FAM184B: variants seen among roughly 807,000 people sequenced by gnomAD.
FAM184B encodes the protein protein FAM184B.
FAM184B carries 111 observed loss-of-function variants against 135.9 expected under a neutral mutation model. The observed-to-expected ratio is 0.82, with a 90% CI of 0.70 to 0.96. The LOEUF (loss-of-function observed/expected upper bound fraction) is 0.96, where lower values mean the gene tolerates loss of function less well. FAM184B is among the 40% of genes least tolerant of loss of function. FAM184B has a pLI of 0.00. For synonymous variants in FAM184B, 552 were observed against 524.8 expected (o/e 1.05, Z -0.71); for missense variants, 1,375 against 1,323.9 (o/e 1.04, Z -0.60).
rs540334041 is a variant in FAM184B at position 17,655,092 on chromosome 4, C to T, written c.2038-2109G>A. 2.0e-5 allele frequency among the ~76,000 whole-genome samples: 3 copies of T among 152,242 alleles called. No individual in the cohort carries two copies. In the East Asian group the frequency reaches 5.8e-4, roughly 29 times the overall value. On this transcript the variant is annotated intron_variant, in intron 10 of 17. Transcript: ENST00000265018. ...AACTCCTGGCCTCAAGTGATCCTCC[C>T]GCATTGGCCTCCCAAAGTTCTGGGA... is the stretch of plus-strand genomic sequence containing the variant.
chr4:17,757,737 A>G (rs1443303009), intron 1 of FAM184B, among the ~76,000 whole-genome samples: 2 of 151,948 alleles, frequency 1.3e-5, no homozygotes, highest in African/African-American at 4.9e-5. Context: ...TGAAATTTTC[A>G]TAGCAAAATG....
chr4:17,648,732 A>AT (rs1715532547), intron 11 of FAM184B, among the ~76,000 whole-genome samples: 3 of 152,080 alleles, frequency 2.0e-5, no homozygotes, highest in Admixed American at 2.0e-4. Flanking sequence ...TGGAGGTAGG[A>AT]GATGGCATGT....
Position 17,658,370 on chromosome 4 carries a change from C to T in FAM184B, c.2017G>A (p.Ala673Thr). Residue 673 changes from alanine to threonine, a missense_variant, in exon 10 of 18, where the codon GCC becomes ACC. Coordinates refer to ENST00000265018, the MANE Select transcript of FAM184B (RefSeq NM_015688.2). The part of the protein sequence containing the change: ...HQRALRMLEK[A>T]RHQELKATEE... ...CTCACCTTGAGTTCCTGATGTCTGG[C>T]CTTCTCCAGCATGCGCAGGGCTCTC... 1.9e-6 allele frequency: 3 copies of T among 1,551,680 alleles called. No individual in the cohort carries two copies. The highest frequency in any genetic ancestry group is 4.9e-5 in the East Asian group (2 of 40,912).
chr4:17,648,543 G>A (rs1024240199), intron 11 of FAM184B, among the ~76,000 whole-genome samples: 3 of 151,062 alleles, frequency 2.0e-5, no homozygotes, highest in Admixed American at 2.0e-4. Context: ...TAGTAGAGAT[G>A]GGGTTTCACC....
intron 1 of FAM184B, among the ~76,000 whole-genome samples, chr4:17,775,464 C>T (rs747401026): frequency 1.7e-4 from 26 of 152,210 alleles, no homozygotes; most frequent in Non-Finnish European, 1.5e-5. Flanking sequence ...GGATTACAGG[C>T]ATGAGCCACT....
At chr4:17,684,775 G>C (rs1239361250) in intron 7 of FAM184B, among the ~76,000 whole-genome samples, 3 of 152,094 alleles carry the variant, frequency 2.0e-5, no homozygotes, top group Non-Finnish European at 4.4e-5. Flanking sequence ...CAACAGCAAA[G>C]ACATGAAATC....
At chr4:17,717,889 T>C (rs1289724567) in intron 1 of FAM184B, among the ~76,000 whole-genome samples, 1 of 152,158 alleles carries the variant, frequency 6.6e-6, no homozygotes, top group African/African-American at 2.4e-5. Context: ...TCTATTTAGG[T>C]TGGTGCAAAT....
intron 7 of FAM184B, among the ~76,000 whole-genome samples, chr4:17,683,009 C>T (rs924531320): frequency 2.0e-5 from 3 of 152,236 alleles, no homozygotes; most frequent in Admixed American, 6.5e-5. Context: ...CTAGGCCTCC[C>T]TGGCTTTACC....
chr4:17,744,735 A>G (rs529169726), intron 1 of FAM184B, among the ~76,000 whole-genome samples: 4 of 152,148 alleles, frequency 2.6e-5, no homozygotes, highest in South Asian at 4.1e-4. Context: ...AAAAAAAAGA[A>G]AAAAGAAAAA....
At chr4:17,658,605 T>C in intron 9 of FAM184B, 43 bp from the exon 10 acceptor site, 1 of 1,526,236 alleles carries the variant, frequency 6.6e-7, no homozygotes. Flanking sequence ...CCCCTTGCCT[T>C]TCCTGGGATG....
In FAM184B at chr4:17,647,803, AG is replaced by A; in HGVS notation, c.2192-13del. On this transcript the variant is annotated splice_polypyrimidine_tract_variant and intron_variant, in intron 11 of 17. Transcript: ENST00000265018. The stretch of plus-strand genomic sequence containing the variant: ...CTGTCTGAGCGACTCTGGAAAAGGG[AG>A]AGCAGCAGTGAGTTAGGCGTTGGGT... 1.3e-6 allele frequency: 2 copies of A among 1,545,782 alleles called. No homozygotes were observed.
intron 2 of FAM184B, among the ~76,000 whole-genome samples, chr4:17,708,555 G>A (rs1468034058): frequency 6.6e-6 from 1 of 150,528 alleles, no homozygotes; most frequent in Non-Finnish European, 1.5e-5. Flanking sequence ...TGAGGCAGGA[G>A]AATTGCTTGA....
At position 17,779,130 on chromosome 4, in the gene FAM184B, G is replaced by C. The variant is rs571845512; in HGVS notation, c.141+2029C>G. Among the ~76,000 whole-genome samples the C allele has an allele frequency of 3.3e-5, 5 of 152,242 alleles. No homozygotes were observed. The East Asian group carries it at 9.6e-4, about 29-fold the overall frequency. ...AATCTGATAGAAGGCAAGAATGGAA[G>C]AAAAAGAAGCAAGGAGAAAGAATGG... On this transcript the variant is annotated intron_variant, in intron 1 of 17. Transcript: ENST00000265018.
At chr4:17,640,139 G>A (rs2108929377) in intron 13 of FAM184B, among the ~76,000 whole-genome samples, 1 of 151,210 alleles carries the variant, frequency 6.6e-6, no homozygotes, top group Admixed American at 6.6e-5. Flanking sequence ...GCCACTCCCT[G>A]AATCTTTATC....
chr4:17,705,532 A>G (rs763201263), intron 4 of FAM184B, among the ~76,000 whole-genome samples: 1 of 152,174 alleles, frequency 6.6e-6, no homozygotes, highest in Non-Finnish European at 1.5e-5. Context: ...CCAGAAGCCG[A>G]TGATATAGCG....
At chr4:17,649,433 A>C (rs1159133282) in intron 11 of FAM184B, among the ~76,000 whole-genome samples, 2 of 151,976 alleles carry the variant, frequency 1.3e-5, no homozygotes. Context: ...AAATACAAAA[A>C]ATTAGCCAGG....
intron 8 of FAM184B, 40 bp downstream of exon 8, chr4:17,664,522 A>T: frequency 1.4e-6 from 2 of 1,407,802 alleles, no homozygotes; most frequent in Non-Finnish European, 2.0e-6. Flanking sequence ...CTGAGTCCTC[A>T]TTCAATGGAG....
Position 17,746,765 on chromosome 4 carries a change from C to T in FAM184B, c.141+34394G>A, listed in dbSNP as rs192509633. Reference sequence around the variant, plus strand: ...AAAAAAGTAGATTCCTGGCTGGGCACGATGGCTCACACCTGTAATCTCAGC... The same window carrying T: ...AAAAAAGTAGATTCCTGGCTGGGCATGATGGCTCACACCTGTAATCTCAGC... On this transcript the variant is annotated intron_variant, in intron 1 of 17. Coordinates refer to ENST00000265018, the MANE Select transcript of FAM184B (RefSeq NM_015688.2). Among the ~76,000 whole-genome samples the T allele has an allele frequency of 1.4e-3, 216 of 150,484 alleles. 1 individual carries two copies. Among genetic ancestry groups the T allele is most frequent in the East Asian group, 7.9e-4 (4 of 5,084 alleles).
intron 11 of FAM184B, among the ~76,000 whole-genome samples, chr4:17,652,146 T>TGTTG (rs1553829715): frequency 7.6e-6 from 1 of 131,934 alleles, no homozygotes; most frequent in Admixed American, 8.4e-5. Context: ...TTTTTTTTTT[T>TGTTG]TTGAGTCTTG....
Sources: gnomAD v4.1 joint callset for allele counts (sites outside exome capture counted in the v4.1 genomes callset) on GRCh38, gnomAD v4.1.1 for gene constraint, MANE v1.5 for transcripts, NCBI Gene and HGNC (gene_info 2026-07-23, HGNC 2026-07-21) for gene names.